ASTN1: variants seen among roughly 807,000 people sequenced by gnomAD.
ASTN1 encodes astrotactin-1.
ASTN1 carries 41 observed loss-of-function variants against 140.7 expected under a neutral mutation model. That is an observed-to-expected ratio of 0.29 (90% CI 0.23 to 0.38). The LOEUF (loss-of-function observed/expected upper bound fraction) is 0.38, where lower values mean the gene tolerates loss of function less well. Ranked by LOEUF, ASTN1 falls within the 10% of genes least tolerant of loss-of-function variation. The pLI is 1.00. For missense variants in ASTN1, 1,479 were observed against 1,678.8 expected (o/e 0.88, Z 2.08); for synonymous variants, 640 against 652.2 (o/e 0.98, Z 0.29).
chr1:177,032,596 T>C lies in ASTN1; in HGVS notation c.725A>G (p.Tyr242Cys). The C allele has an allele frequency of 6.2e-7, 1 of 1,614,186 alleles. No individual in the cohort carries two copies. Among genetic ancestry groups the C allele is most frequent in the Non-Finnish European group, 8.5e-7 (1 of 1,180,024 alleles). Residue 242 changes from tyrosine to cysteine, a missense_variant, in exon 3 of 23, where the codon TAT (tyrosine) becomes TGT (cysteine). Tyr to Cys is a radical substitution (Grantham distance 194, BLOSUM62 -2). This residue lies in a region of ASTN1 where 729 missense variants were observed against 860.4 expected (regional missense o/e 0.85). Coordinates refer to ENST00000361833, the MANE Select transcript of ASTN1 (RefSeq NM_004319.3). Reference sequence around the variant, plus strand: ...GCGCAGATCAGTGATGTCATACTCATAGCCGTCCAGGATAGGTGTCTCCCG... The same window carrying C: ...GCGCAGATCAGTGATGTCATACTCACAGCCGTCCAGGATAGGTGTCTCCCG... ...SIRETPILDG[Y>C]EYDITDLRHH...
rs1000987222 is a variant in ASTN1 at position 176,861,768 on chromosome 1, G to A, written c.*2516C>T. 5 of 985,334 alleles carry A rather than the reference G, an allele frequency of 5.1e-6. No homozygotes were observed. The highest frequency in any genetic ancestry group is 4.7e-5 in the South Asian group (1 of 21,278). The allele number at this position is 985,334 out of a possible 1,614,324, so 61.0% of individuals were successfully genotyped here. On this transcript the variant is annotated 3_prime_UTR_variant, in exon 23 of 23. Transcript: ENST00000361833. ...GGAGGAAGAAAGTCTTGGGGAAAGAGGAGGCCAAAAAAGGAGGGTCACAGA... is the reference window on the plus strand; with the variant it reads ...GGAGGAAGAAAGTCTTGGGGAAAGAAGAGGCCAAAAAAGGAGGGTCACAGA...
At chr1:176,966,030 C>T (rs972609127) in intron 8 of ASTN1, among the ~76,000 whole-genome samples, 22 of 152,248 alleles carry the variant, frequency 1.4e-4, no homozygotes, top group African/African-American at 5.3e-4. Flanking sequence ...GATCTCTAAG[C>T]CCATTATTTA....
At chr1:176,995,397 A>G (rs762470321) in intron 8 of ASTN1, among the ~76,000 whole-genome samples, 1 of 152,224 alleles carries the variant, frequency 6.6e-6, no homozygotes, top group Non-Finnish European at 1.5e-5. Context: ...TCAGATGGGT[A>G]TCTCAGATGA....
In ASTN1 at chr1:177,006,709, GC is replaced by G. The variant is rs139502027; in HGVS notation, c.1523+8081del. 2.8e-3 allele frequency among the ~76,000 whole-genome samples: 424 copies of G among 152,112 alleles called. 3 individuals are homozygous for G. The highest frequency in any genetic ancestry group is 9.7e-3 in the African/African-American group (401 of 41,498). ...TGTTGGAGGAAATATGAGTGTTCCC[GC>G]CTCTGGCACTGTTTAAAATAAGTCT... On this transcript the variant is annotated intron_variant, in intron 8 of 22. Transcript: ENST00000361833.
At chr1:177,094,068 G>C (rs1679908023) in intron 1 of ASTN1, among the ~76,000 whole-genome samples, 1 of 152,204 alleles carries the variant, frequency 6.6e-6, no homozygotes, top group South Asian at 2.1e-4. Flanking sequence ...TCAGCCTCAT[G>C]TATTAGTGCT....
At chr1:177,014,902 A>G (rs767855834) in intron 7 of ASTN1, 27 bp from the exon 8 acceptor site, 3 of 1,577,414 alleles carry the variant, frequency 1.9e-6, no homozygotes, top group Admixed American at 1.7e-5. Context: ...GGAGGAAGAA[A>G]GAGAAACATG....
chr1:176,995,312 T>C (rs919491638), intron 8 of ASTN1, among the ~76,000 whole-genome samples: 2 of 152,170 alleles, frequency 1.3e-5, no homozygotes, highest in African/African-American at 4.8e-5. Flanking sequence ...AATCACAGTT[T>C]GAATACAATG....
chr1:176,945,812 T>C (rs987298601), intron 13 of ASTN1, 114 bp downstream of exon 13: 5 of 1,075,404 alleles, frequency 4.6e-6, no homozygotes, highest in South Asian at 1.8e-5. Flanking sequence ...TCTATCCCTT[T>C]AGACATATCA....
intron 8 of ASTN1, among the ~76,000 whole-genome samples, chr1:177,008,512 C>T (rs72720705): frequency 5.0e-4 from 14 of 27,900 alleles, no homozygotes; most frequent in Non-Finnish European, 1.0e-3. Flanking sequence ...GAAGAGAGAG[C>T]GGGAGATAGG....
chr1:177,063,253 G>A (rs1215029146), intron 1 of ASTN1, among the ~76,000 whole-genome samples: 2 of 152,146 alleles, frequency 1.3e-5, no homozygotes, highest in Non-Finnish European at 2.9e-5. Context: ...GAGGGATAAG[G>A]TACAATTAAG....
Position 176,894,650 on chromosome 1 carries a change from C to A in ASTN1, c.2852G>T (p.Ser951Ile), listed in dbSNP as rs1175662636. ...AACCGGCTCAGCAGGGGTGTCAGGG[C>A]TGGATGTCACATGACACAGGGGGCA... ...SSCPLCHVTS[S>I]PDTPAEPVLL... Residue 951 changes from serine (S) to isoleucine (I), a missense_variant, in exon 17 of 23, where the codon AGC becomes ATC. This residue lies in a region of ASTN1 where 746 missense variants were observed against 800.9 expected (regional missense o/e 0.93). Transcript: ENST00000361833. The A allele has an allele frequency of 6.2e-7, 1 of 1,614,012 alleles. No individual in the cohort carries two copies. Among genetic ancestry groups the A allele is most frequent in the Non-Finnish European group, 8.5e-7 (1 of 1,180,042 alleles).
chr1:177,016,310 T>C (rs968368192), intron 7 of ASTN1, among the ~76,000 whole-genome samples: 3 of 119,764 alleles, frequency 2.5e-5, no homozygotes, highest in African/African-American at 6.0e-5. Context: ...ACCTCTTCAT[T>C]TGTAAAAAAA....
intron 18 of ASTN1, among the ~76,000 whole-genome samples, chr1:176,885,244 T>C (rs1324840549): frequency 6.6e-6 from 1 of 152,184 alleles, no homozygotes; most frequent in East Asian, 1.9e-4. Flanking sequence ...TTCCTTGCTT[T>C]TCTCACTTCA....
chr1:177,119,938 G>T (rs1296763086), intron 1 of ASTN1, among the ~76,000 whole-genome samples: 1 of 152,176 alleles, frequency 6.6e-6, no homozygotes, highest in Non-Finnish European at 1.5e-5. Context: ...CAGACTGGGG[G>T]AGAAGCTTCC....
At chr1:176,864,951 G>A (rs566689191) in intron 22 of ASTN1, among the ~76,000 whole-genome samples, 2 of 152,278 alleles carry the variant, frequency 1.3e-5, no homozygotes, top group African/African-American at 2.4e-5. Context: ...AGAAGCAGCC[G>A]TTATGTTGAA....
At chr1:176,901,510 T>C (rs1259166421) in intron 16 of ASTN1, among the ~76,000 whole-genome samples, 1 of 152,172 alleles carries the variant, frequency 6.6e-6, no homozygotes, top group East Asian at 1.9e-4. Context: ...GTGGGAGCAG[T>C]TGGATGTAGC....
At chr1:177,076,061 T>C (rs1015899936) in intron 1 of ASTN1, among the ~76,000 whole-genome samples, 5 of 151,634 alleles carry the variant, frequency 3.3e-5, no homozygotes, top group East Asian at 3.9e-4. Context: ...GGGTGGATCA[T>C]GAGGTCGAAA....
chr1:177,030,741 T>A (rs1022268455), intron 4 of ASTN1, 65 bp downstream of exon 4: 2 of 1,591,242 alleles, frequency 1.3e-6, no homozygotes, highest in Non-Finnish European at 1.7e-6. Context: ...TAGAAGATAT[T>A]AATGGCCCTG....
At chr1:177,071,925 T>G (rs1678662694) in intron 1 of ASTN1, among the ~76,000 whole-genome samples, 1 of 152,184 alleles carries the variant, frequency 6.6e-6, no homozygotes, top group South Asian at 2.1e-4. Context: ...CTTATTATCA[T>G]CCCTGTGTTA....
Sources: gnomAD v4.1 joint callset for allele counts (sites outside exome capture counted in the v4.1 genomes callset) on GRCh38, gnomAD v4.1.1 for gene constraint, gnomAD v4.1.1 regional missense constraint, MANE v1.5 for transcripts, NCBI Gene and HGNC (gene_info 2026-07-23, HGNC 2026-07-21) for gene names.